Variants in PTPRD observed in about 807,000 individuals in gnomAD.
The protein encoded by PTPRD is receptor-type tyrosine-protein phosphatase delta.
In PTPRD, 34 loss-of-function variants were observed where a neutral mutation model predicts 214.5. The ratio of observed to expected loss-of-function variants is 0.16; its 90% confidence interval spans 0.12 to 0.21. PTPRD has a LOEUF of 0.21. PTPRD is among the 10% of genes least tolerant of loss of function. The pLI, the probability that PTPRD is intolerant of heterozygous loss-of-function variation, is 1.00. For missense variants in PTPRD, 2,545 were observed against 2,398.7 expected (o/e 1.06, Z -1.27); for synonymous variants, 1,128 against 845.7 (o/e 1.33, Z -5.79).
chr9:9,664,440 G>T (rs16930006), intron 7 of PTPRD, among the ~76,000 whole-genome samples: 1 of 151,654 alleles, frequency 6.6e-6, no homozygotes, highest in South Asian at 2.1e-4. Context: ...TTCAATGGTC[G>T]TAAGAAACCA....
At chr9:10,369,075 C>T (rs904697702) in intron 2 of PTPRD, among the ~76,000 whole-genome samples, 1 of 151,776 alleles carries the variant, frequency 6.6e-6, no homozygotes, top group African/African-American at 2.4e-5. Flanking sequence ...AGGCATGCAC[C>T]ATGGTTAAAA....
chr9:9,680,239 C>G (rs1312116363), intron 7 of PTPRD, among the ~76,000 whole-genome samples: 2 of 151,746 alleles, frequency 1.3e-5, no homozygotes, highest in African/African-American at 4.8e-5. Flanking sequence ...CTTTGGTAAT[C>G]TACAAGAAGA....
intron 18 of PTPRD, among the ~76,000 whole-genome samples, chr9:8,523,796 G>C (rs948672944): frequency 3.3e-5 from 5 of 152,088 alleles, no homozygotes; most frequent in African/African-American, 1.2e-4. Flanking sequence ...GGTCACTATT[G>C]TGGAAAAAGG....
intron 4 of PTPRD, among the ~76,000 whole-genome samples, chr9:9,999,415 T>A (rs1039375693): frequency 6.6e-5 from 10 of 152,214 alleles, no homozygotes; most frequent in Non-Finnish European, 1.3e-4. Flanking sequence ...CCAGACTTTT[T>A]ATTATTTCTG....
intron 4 of PTPRD, among the ~76,000 whole-genome samples, chr9:9,966,113 T>C (rs10115039): frequency 0.14 from 21,862 of 151,890 alleles, 1,653 homozygotes; most frequent in African/African-American, 0.17. Context: ...TCTACTGGCT[T>C]TCGGTTTTTT....
chr9:9,419,765 T>A (rs1221100368), intron 8 of PTPRD, among the ~76,000 whole-genome samples: 2 of 151,776 alleles, frequency 1.3e-5, no homozygotes, highest in Non-Finnish European at 3.0e-5. Flanking sequence ...AGCAAGAAAT[T>A]CATTATAAAG....
At chr9:10,576,968 CT>C (rs5896404) in intron 2 of PTPRD, among the ~76,000 whole-genome samples, 123,939 of 151,504 alleles carry the variant, frequency 0.82, 50,870 homozygotes, top group East Asian at 0.94. Context: ...TTTATTTCTA[CT>C]TTTTTTTTTA....
intron 11 of PTPRD, among the ~76,000 whole-genome samples, chr9:8,761,396 A>G (rs1173043882): frequency 6.6e-6 from 1 of 152,220 alleles, no homozygotes; most frequent in Non-Finnish European, 1.5e-5. Flanking sequence ...CTTTTTCACA[A>G]TTATAACATT....
chr9:9,066,415 G>T (rs770656312), intron 10 of PTPRD, among the ~76,000 whole-genome samples: 5 of 151,712 alleles, frequency 3.3e-5, no homozygotes, highest in Non-Finnish European at 7.4e-5. Context: ...TAAAAATTTG[G>T]CCATCTTTTA....
chr9:9,438,642 G>T (rs895040867), intron 8 of PTPRD, among the ~76,000 whole-genome samples: 1 of 152,100 alleles, frequency 6.6e-6, no homozygotes, highest in Non-Finnish European at 1.5e-5. Context: ...CAAAATGATT[G>T]CTAATTATTC....
chr9:8,942,341 T>C (rs2099039197), intron 11 of PTPRD, among the ~76,000 whole-genome samples: 1 of 152,216 alleles, frequency 6.6e-6, no homozygotes, highest in Admixed American at 6.5e-5. Context: ...TTATCACTTT[T>C]GGCCAGTTCC....
At chr9:9,365,130 T>G (rs548517718) in intron 9 of PTPRD, among the ~76,000 whole-genome samples, 1 of 151,340 alleles carries the variant, frequency 6.6e-6, no homozygotes, top group East Asian at 2.0e-4. Flanking sequence ...CAGACAGAGG[T>G]TAAATACTAT....
intron 4 of PTPRD, among the ~76,000 whole-genome samples, chr9:9,954,316 A>AAACAAAC (rs1555389106): frequency 1.3e-5 from 2 of 150,150 alleles, no homozygotes; most frequent in African/African-American, 2.4e-5. Context: ...AAAAAAAAAA[A>AAACAAAC]AAAAAAAAGA....
At chr9:9,839,957 T>A (rs2057872816) in intron 5 of PTPRD, among the ~76,000 whole-genome samples, 1 of 152,160 alleles carries the variant, frequency 6.6e-6, no homozygotes, top group African/African-American at 2.4e-5. Context: ...ATATAAATAG[T>A]ACTAAAAATA....
intron 12 of PTPRD, among the ~76,000 whole-genome samples, chr9:8,644,916 C>G (rs540154840): frequency 6.6e-6 from 1 of 152,266 alleles, no homozygotes; most frequent in South Asian, 2.1e-4. Context: ...ACAAGACCAA[C>G]GGGCCTGAGC....
At chr9:9,386,322 T>C (rs546460350) in intron 9 of PTPRD, among the ~76,000 whole-genome samples, 3 of 152,122 alleles carry the variant, frequency 2.0e-5, no homozygotes, top group Non-Finnish European at 2.9e-5. Context: ...ATGCCTCACA[T>C]TGAACCAATG....
intron 39 of PTPRD, among the ~76,000 whole-genome samples, chr9:8,370,179 C>T (rs867458844): frequency 4.6e-5 from 7 of 150,922 alleles, no homozygotes; most frequent in Non-Finnish European, 4.4e-5. Flanking sequence ...TACTATATGT[C>T]TCTATTCATG....
chr9:9,770,520 C>T (rs2098743824), intron 5 of PTPRD, among the ~76,000 whole-genome samples: 1 of 152,028 alleles, frequency 6.6e-6, no homozygotes, highest in Admixed American at 6.6e-5. Flanking sequence ...AATCCTTGAA[C>T]ACAGTATTAT....
At chr9:10,432,999 C>G (rs2098693236) in intron 2 of PTPRD, among the ~76,000 whole-genome samples, 1 of 151,912 alleles carries the variant, frequency 6.6e-6, no homozygotes, top group East Asian at 1.9e-4. Context: ...TACGTAAGTC[C>G]CTGTTACTAA....
Sources: allele counts gnomAD v4.1 joint callset (sites outside exome capture counted in the v4.1 genomes callset), GRCh38; gene constraint gnomAD v4.1.1; transcripts MANE v1.5; gene names NCBI Gene and HGNC (gene_info 2026-07-23, HGNC 2026-07-21).